The following SLC16A7 variants were observed in gnomAD, a reference collection of about 807,000 sequenced individuals.
The protein encoded by SLC16A7 is monocarboxylate transporter 2.
A neutral mutation model predicts 34.9 loss-of-function variants in SLC16A7; 33 were observed. The ratio of observed to expected loss-of-function variants is 0.94; its 90% CI spans 0.72 to 1.26. The LOEUF (loss-of-function observed/expected upper bound fraction) is 1.26, where lower values mean the gene tolerates loss of function less well. SLC16A7 is among the 50% of genes most tolerant of loss of function. The probability of loss-of-function intolerance (pLI) is 0.00; values close to 1 mark genes in which losing one functional copy is unlikely to be tolerated. For missense variants in SLC16A7, 573 were observed against 578.1 expected, an observed-to-expected ratio of 0.99 and a Z score of 0.09; for synonymous variants, 201 against 206.6, an observed-to-expected ratio of 0.97 and a Z score of 0.23.
intron 3 of SLC16A7, among the ~76,000 whole-genome samples, chr12:59,766,045 T>C (rs1407655805): frequency 6.6e-6 from 1 of 152,200 alleles, no homozygotes; most frequent in Non-Finnish European, 1.5e-5. Flanking sequence ...AAGAGGTCCT[T>C]CTCATCCCTT....
Position 59,720,875 on chromosome 12 carries a change from C to T in SLC16A7, c.217+15857C>T, listed in dbSNP as rs975215394. 2.6e-5 allele frequency among the ~76,000 whole-genome samples: 4 copies of T among 152,158 alleles called. No homozygotes were observed. The East Asian group carries it at 7.7e-4, about 29-fold the overall frequency. On this transcript the variant is annotated intron_variant, in intron 3 of 5. Coordinates refer to ENST00000547379, the MANE Select transcript of SLC16A7 (RefSeq NM_001270623.2). ...CTGCTTTCCATACCATTTTCACCTT[C>T]CTTACCATCTAAACTTCAGATTCAA...
Position 59,771,303 on chromosome 12 carries a change from T to C in SLC16A7, c.302T>C (p.Val101Ala). The C allele has an allele frequency of 1.2e-6, 2 of 1,613,228 alleles. No homozygotes were observed. The highest frequency in any genetic ancestry group is 1.7e-6 in the Non-Finnish European group (2 of 1,179,482). The change falls in exon 4 of 6, where the codon GTG becomes GCG. Residue 101 changes from valine to alanine, a missense_variant. Coordinates refer to ENST00000547379, the MANE Select transcript of SLC16A7 (RefSeq NM_001270623.2). ...AGGLLCCLGM[V>A]LASFSSSVVQ... ...GGCTTATTATGCTGTCTTGGAATGG[T>C]GTTGGCCTCCTTTAGTAGCAGCGTG...
Position 59,781,386 on chromosome 12 carries a change from A to G in SLC16A7, c.*1707A>G, listed in dbSNP as rs1196040745. ...TTTTATTGTAATAAAGGCAGGTGCTATTTTTTTCTGGTGAGATTGCACCTG... is the reference window on the plus strand; with the variant it reads ...TTTTATTGTAATAAAGGCAGGTGCTGTTTTTTTCTGGTGAGATTGCACCTG... On this transcript the variant is annotated 3_prime_UTR_variant, in exon 6 of 6. Transcript: ENST00000547379. The G allele has an allele frequency of 6.6e-6, 1 of 152,438 alleles. No individual in the cohort carries two copies. Among genetic ancestry groups the G allele is most frequent in the Non-Finnish European group, 1.5e-5 (1 of 67,962 alleles). 9.4% of individuals were successfully genotyped at this position (152,438 alleles called of 1,614,324 possible).
chr12:59,679,773 G>T (rs548075160), intron 2 of SLC16A7, among the ~76,000 whole-genome samples: 1 of 152,280 alleles, frequency 6.6e-6, no homozygotes, highest in East Asian at 1.9e-4. Flanking sequence ...ATTAATGAAT[G>T]CTGGAGACAA....
intron 1 of SLC16A7, among the ~76,000 whole-genome samples, chr12:59,612,127 T>A (rs1879224490): frequency 6.6e-6 from 1 of 152,222 alleles, no homozygotes; most frequent in African/African-American, 2.4e-5. Flanking sequence ...TTCCTCACTG[T>A]CCTCAGCAGA....
At chr12:59,773,191 G>A (rs1882403623) in intron 4 of SLC16A7, among the ~76,000 whole-genome samples, 1 of 151,898 alleles carries the variant, frequency 6.6e-6, no homozygotes, top group Non-Finnish European at 1.5e-5. Flanking sequence ...ACCATAGGCT[G>A]GTCAGTTTTG....
intron 1 of SLC16A7, among the ~76,000 whole-genome samples, chr12:59,606,703 C>T (rs1197510213): frequency 6.6e-6 from 1 of 152,096 alleles, no homozygotes; most frequent in African/African-American, 2.4e-5. Context: ...CAATTCAAAT[C>T]AGTAAATAAT....
intron 1 of SLC16A7, among the ~76,000 whole-genome samples, chr12:59,611,933 A>G (rs1324998079): frequency 6.6e-6 from 1 of 152,244 alleles, no homozygotes; most frequent in Non-Finnish European, 1.5e-5. Context: ...TGCAGGATAC[A>G]GCTCCTGTCA....
chr12:59,660,541 C>CAA (rs201006070), intron 2 of SLC16A7, among the ~76,000 whole-genome samples: 1,553 of 111,432 alleles, frequency 0.014, 23 homozygotes, highest in African/African-American at 0.044. Flanking sequence ...CTTGTCTCTA[C>CAA]AAAAAAAAAA....
chr12:59,748,964 G>T (rs981277565), intron 3 of SLC16A7, among the ~76,000 whole-genome samples: 1 of 152,098 alleles, frequency 6.6e-6, no homozygotes, highest in Non-Finnish European at 1.5e-5. Flanking sequence ...AAAATGTCAC[G>T]ATAACAGGAG....
At chr12:59,627,142 C>T (rs1879963679) in intron 1 of SLC16A7, among the ~76,000 whole-genome samples, 1 of 151,756 alleles carries the variant, frequency 6.6e-6, no homozygotes, top group Non-Finnish European at 1.5e-5. Context: ...GGACTCATAT[C>T]ACTTACAATG....
intron 3 of SLC16A7, among the ~76,000 whole-genome samples, chr12:59,750,654 A>G (rs927285113): frequency 2.0e-5 from 3 of 152,190 alleles, no homozygotes; most frequent in Non-Finnish European, 2.9e-5. Context: ...TGGTATGGCG[A>G]TTCCTCAAGG....
At chr12:59,692,583 G>T (rs895210567) in intron 2 of SLC16A7, among the ~76,000 whole-genome samples, 2 of 151,986 alleles carry the variant, frequency 1.3e-5, no homozygotes, top group Non-Finnish European at 2.9e-5. Flanking sequence ...GAATTGTTTT[G>T]TATGGGAGGT....
At chr12:59,723,027 A>G (rs1875793761) in intron 3 of SLC16A7, among the ~76,000 whole-genome samples, 1 of 151,918 alleles carries the variant, frequency 6.6e-6, no homozygotes, top group Non-Finnish European at 1.5e-5. Flanking sequence ...CATACTGGAC[A>G]ATGTGTGTTT....
At chr12:59,625,349 C>T (rs920727101) in intron 1 of SLC16A7, among the ~76,000 whole-genome samples, 1 of 151,790 alleles carries the variant, frequency 6.6e-6, no homozygotes, top group Admixed American at 6.6e-5. Context: ...AGTTCACATT[C>T]TTAACACAGA....
chr12:59,609,972 T>G (rs1401019362), intron 1 of SLC16A7, among the ~76,000 whole-genome samples: 2 of 152,188 alleles, frequency 1.3e-5, no homozygotes, highest in African/African-American at 4.8e-5. Flanking sequence ...ATGCAATCCT[T>G]AATCATTCCC....
rs1285668262 is a variant in SLC16A7, at chr12:59,780,245, A to C, written c.*566A>C. 1 of 152,140 alleles carries C rather than the reference A, an allele frequency of 6.6e-6. No individual in the cohort carries two copies. Among genetic ancestry groups the C allele is most frequent in the Non-Finnish European group, 1.5e-5 (1 of 68,026 alleles). 9.4% of individuals were successfully genotyped at this position (152,140 alleles called of 1,614,324 possible). ...TTTATTTTTAAGGTAAAAATAATCCATGAAGATAAAAGAAACATATGTCTG... is the reference window on the plus strand; with the variant it reads ...TTTATTTTTAAGGTAAAAATAATCCCTGAAGATAAAAGAAACATATGTCTG... On this transcript the variant is annotated 3_prime_UTR_variant, in exon 6 of 6. Coordinates refer to ENST00000547379, the MANE Select transcript of SLC16A7 (RefSeq NM_001270623.2).
At chr12:59,697,310 A>G (rs1386829071) in intron 2 of SLC16A7, among the ~76,000 whole-genome samples, 2 of 152,006 alleles carry the variant, frequency 1.3e-5, no homozygotes, top group African/African-American at 4.8e-5. Context: ...TAACGAAAGA[A>G]CACTTGTGCA....
At chr12:59,683,846 A>G (rs1244165838) in intron 2 of SLC16A7, among the ~76,000 whole-genome samples, 1 of 152,226 alleles carries the variant, frequency 6.6e-6, no homozygotes, top group African/African-American at 2.4e-5. Context: ...CATTGAAGAA[A>G]GAATAGTGAT....
Sources: allele counts gnomAD v4.1 joint callset (sites outside exome capture counted in the v4.1 genomes callset), GRCh38; gene constraint gnomAD v4.1.1; transcripts MANE v1.5; gene names NCBI Gene and HGNC (gene_info 2026-07-23, HGNC 2026-07-21).